AP2B1: variants seen among roughly 807,000 people sequenced by gnomAD.
AP2B1 encodes adaptor related protein complex 2 subunit beta 1.
In AP2B1, 23 loss-of-function variants were observed where a neutral mutation model predicts 102.0. The ratio of observed to expected loss-of-function variants is 0.23; its 90% confidence interval spans 0.16 to 0.32. The LOEUF (loss-of-function observed/expected upper bound fraction) is 0.32. AP2B1 is among the 10% of genes least tolerant of loss of function. The pLI is 1.00. For missense variants in AP2B1, 541 were observed against 1,157.4 expected, an observed-to-expected ratio of 0.47 and a Z score of 7.73; for synonymous variants, 381 against 421.2, an observed-to-expected ratio of 0.90 and a Z score of 1.17.
intron 5 of AP2B1, among the ~76,000 whole-genome samples, chr17:35,617,015 G>C (rs931686982): frequency 6.6e-6 from 1 of 152,158 alleles, no homozygotes; most frequent in African/African-American, 2.4e-5. Flanking sequence ...CTTAATACTG[G>C]TCCTCATATG....
intron 2 of AP2B1, chr17:35,596,803 C>G (rs78283170): frequency 0.032 from 19,884 of 626,388 alleles, 776 homozygotes; most frequent in East Asian, 0.19. Flanking sequence ...TGCATGGGCC[C>G]CCGCAGCGCT....
chr17:35,623,321 T>TG (rs781103702), intron 5 of AP2B1, among the ~76,000 whole-genome samples: 15 of 152,092 alleles, frequency 9.9e-5, no homozygotes, highest in Non-Finnish European at 1.9e-4. Flanking sequence ...CCCAACACTT[T>TG]GGGAGGCTGA....
intron 5 of AP2B1, among the ~76,000 whole-genome samples, chr17:35,623,660 A>G (rs1008932129): frequency 6.6e-6 from 1 of 152,226 alleles, no homozygotes; most frequent in Non-Finnish European, 1.5e-5. Flanking sequence ...GCCATTGATT[A>G]TAAAATGCAA....
chr17:35,611,785 T>C (rs1020736938), intron 5 of AP2B1, among the ~76,000 whole-genome samples: 1 of 152,220 alleles, frequency 6.6e-6, no homozygotes, highest in African/African-American at 2.4e-5. Context: ...CATCAATACA[T>C]GCCAATCTTG....
At chr17:35,633,889 G>C (rs1340807471) in intron 9 of AP2B1, among the ~76,000 whole-genome samples, 1 of 152,148 alleles carries the variant, frequency 6.6e-6, no homozygotes, top group African/African-American at 2.4e-5. Flanking sequence ...GCTCACACCT[G>C]TAATACTAGC....
chr17:35,635,366 TTTTTGTTTTGCTTTG>T (rs1194644301), intron 9 of AP2B1, among the ~76,000 whole-genome samples: 3 of 151,262 alleles, frequency 2.0e-5, no homozygotes, highest in African/African-American at 7.3e-5. Flanking sequence ...TAATGGTAGT[TTTTTGTTTTGCTTTG>T]TTTTGTTTTG....
chr17:35,638,800 A>AG (rs2074684837), intron 10 of AP2B1, among the ~76,000 whole-genome samples: 1 of 151,784 alleles, frequency 6.6e-6, no homozygotes, highest in Admixed American at 6.6e-5. Flanking sequence ...AAAAAAAAAA[A>AG]AAAAAAAGAA....
At chr17:35,646,301 T>G (rs915708050) in intron 12 of AP2B1, among the ~76,000 whole-genome samples, 1 of 152,164 alleles carries the variant, frequency 6.6e-6, no homozygotes, top group Non-Finnish European at 1.5e-5. Flanking sequence ...CGGTCTGAAT[T>G]ACTGTGGCCT....
chr17:35,591,600 A>G (rs1316145621), intron 1 of AP2B1, among the ~76,000 whole-genome samples: 2 of 152,230 alleles, frequency 1.3e-5, no homozygotes, highest in African/African-American at 4.8e-5. Flanking sequence ...TAAATATCCT[A>G]GACAGATTGT....
At chr17:35,722,533 T>C (rs2085431060) in intron 21 of AP2B1, among the ~76,000 whole-genome samples, 1 of 152,218 alleles carries the variant, frequency 6.6e-6, no homozygotes, top group Non-Finnish European at 1.5e-5. Context: ...ACTTTAACTT[T>C]TTAGGTTGTT....
intron 16 of AP2B1, among the ~76,000 whole-genome samples, chr17:35,673,763 T>TTAG (rs2075640864): frequency 6.6e-6 from 1 of 152,180 alleles, no homozygotes; most frequent in East Asian, 1.9e-4. Flanking sequence ...GCTGTTTTCA[T>TTAG]TAGTAGATGC....
intron 5 of AP2B1, among the ~76,000 whole-genome samples, chr17:35,616,210 G>T (rs1357761954): frequency 7.8e-6 from 1 of 128,390 alleles, no homozygotes; most frequent in African/African-American, 3.1e-5. Flanking sequence ...AGTCGCCCAG[G>T]CTGGAGTGCA....
intron 18 of AP2B1, among the ~76,000 whole-genome samples, chr17:35,691,609 A>G (rs1467108297): frequency 1.3e-5 from 2 of 152,210 alleles, no homozygotes; most frequent in African/African-American, 2.4e-5. Flanking sequence ...TGCTCCTTGA[A>G]TAGATAATGA....
Position 35,659,043 on chromosome 17 carries a change from A to G in AP2B1, c.1989+1252A>G, listed in dbSNP as rs145739369. Among the ~76,000 whole-genome samples, 39 of 152,344 alleles carry G rather than the reference A, an allele frequency of 2.6e-4. No individual in the cohort carries two copies. In the East Asian group the frequency reaches 7.3e-3, roughly 29 times the overall value. On this transcript the variant is annotated intron_variant, in intron 14 of 21. Transcript: ENST00000610402. The stretch of plus-strand genomic sequence containing the variant: ...ATATAAGCAAATACTTTTTATATTC[A>G]TATCTTTAATGATTGAAACTGACTG...
At chr17:35,657,850 GTT>G in intron 14 of AP2B1, 59 bp downstream of exon 14, 1 of 1,494,232 alleles carries the variant, frequency 6.7e-7, no homozygotes, top group South Asian at 1.3e-5. Flanking sequence ...ATGCTAGAGA[GTT>G]TTAAATTATT....
chr17:35,639,194 G>C (rs971108631), intron 10 of AP2B1, among the ~76,000 whole-genome samples: 1 of 152,150 alleles, frequency 6.6e-6, no homozygotes, highest in African/African-American at 2.4e-5. Flanking sequence ...TTAGCTGAGT[G>C]TGGTGGCACT....
At chr17:35,679,041 T>C (rs1234203265) in intron 17 of AP2B1, among the ~76,000 whole-genome samples, 1 of 152,234 alleles carries the variant, frequency 6.6e-6, no homozygotes, top group Non-Finnish European at 1.5e-5. Context: ...CTTTCCACTT[T>C]TTTATAATAG....
intron 1 of AP2B1, among the ~76,000 whole-genome samples, chr17:35,591,089 A>T (rs1318342143): frequency 6.7e-6 from 1 of 149,848 alleles, no homozygotes; most frequent in African/African-American, 2.5e-5. Flanking sequence ...CAGGAGAATC[A>T]CTTGAACCTG....
chr17:35,672,442 T>C (rs2075609022), intron 16 of AP2B1, among the ~76,000 whole-genome samples: 1 of 152,220 alleles, frequency 6.6e-6, no homozygotes, highest in Non-Finnish European at 1.5e-5. Flanking sequence ...TCCCGGTTAA[T>C]GAAGCTCATT....
Sources: allele counts gnomAD v4.1 joint callset (sites outside exome capture counted in the v4.1 genomes callset), GRCh38; gene constraint gnomAD v4.1.1; transcripts MANE v1.5; gene names NCBI Gene and HGNC (gene_info 2026-07-23, HGNC 2026-07-21).